Variants in ZMYM2 observed in about 807,000 individuals in gnomAD.
ZMYM2 encodes zinc finger MYM-type protein 2.
Under a neutral mutation model 162.8 loss-of-function variants are expected in ZMYM2, and 56 were observed. The observed-to-expected ratio is 0.34, with a 90% CI of 0.28 to 0.43. The LOEUF is 0.43. ZMYM2 is among the 20% of genes least tolerant of loss of function. ZMYM2 has a pLI of 1.00. For missense variants in ZMYM2, 1,275 were observed against 1,621.8 expected (o/e 0.79, Z 3.67); for synonymous variants, 510 against 541.6 (o/e 0.94, Z 0.81).
At chr13:19,903,936 G>A in the ZMYM2 span, among the ~76,000 whole-genome samples, 1 of 152,042 alleles carries the variant, frequency 6.6e-6, no homozygotes, top group Non-Finnish European at 1.5e-5. Flanking sequence ...AACTTTCTGG[G>A]CTCTAGGAAC....
chr13:20,012,419 A>C (rs1234509243), intron 6 of ZMYM2, among the ~76,000 whole-genome samples: 2 of 151,998 alleles, frequency 1.3e-5, no homozygotes, highest in African/African-American at 2.4e-5. Context: ...ACTTCAAGTG[A>C]TCTGTCCTTC....
intron 2 of ZMYM2, among the ~76,000 whole-genome samples, chr13:19,962,508 T>TAC (rs1244193708): frequency 3.2e-5 from 2 of 62,818 alleles, no homozygotes; most frequent in East Asian, 8.3e-4. Flanking sequence ...TATATATATA[T>TAC]ATATATATTT....
At chr13:20,002,703 G>A in intron 3 of ZMYM2, 147 bp from the exon 4 acceptor site, 1 of 935,420 alleles carries the variant, frequency 1.1e-6, no homozygotes, top group Non-Finnish European at 1.6e-6. Context: ...TCCAAAACTT[G>A]TGCTATATAC....
the ZMYM2 span, among the ~76,000 whole-genome samples, chr13:19,866,384 G>A: frequency 2.0e-5 from 3 of 152,100 alleles, no homozygotes; most frequent in African/African-American, 7.2e-5. Context: ...AAAAAATTCT[G>A]GCCCGGTGCG....
At chr13:19,885,101 C>T in the ZMYM2 span, among the ~76,000 whole-genome samples, 1 of 152,134 alleles carries the variant, frequency 6.6e-6, no homozygotes, top group Non-Finnish European at 1.5e-5. Flanking sequence ...TTCTCCAAGT[C>T]CCCACCCGAC....
chr13:19,981,633 CTTTTTCCTCCTGTAAATACGAAT>C (rs1957335549), intron 2 of ZMYM2, among the ~76,000 whole-genome samples: 1 of 152,152 alleles, frequency 6.6e-6, no homozygotes, highest in Non-Finnish European at 1.5e-5. Flanking sequence ...GGAGAAGTAC[CTTTTTCCTCCTGTAAATACGAAT>C]TTTTTCCTAG....
chr13:19,985,199 C>G (rs1267231363), intron 2 of ZMYM2, among the ~76,000 whole-genome samples: 5 of 152,130 alleles, frequency 3.3e-5, no homozygotes, highest in Admixed American at 3.3e-4. Context: ...TCTCTGCTTA[C>G]AGCAACCTCT....
At chr13:20,035,779 A>AG (rs1953635978) in intron 11 of ZMYM2, among the ~76,000 whole-genome samples, 1 of 152,168 alleles carries the variant, frequency 6.6e-6, no homozygotes, top group Non-Finnish European at 1.5e-5. Context: ...TACTGCACCT[A>AG]GTTCTCTGCT....
intron 2 of ZMYM2, among the ~76,000 whole-genome samples, chr13:19,986,175 C>T (rs972755240): frequency 6.6e-6 from 1 of 150,542 alleles, no homozygotes; most frequent in Non-Finnish European, 1.5e-5. Flanking sequence ...CCAGCCTAGG[C>T]AATAGAGCCA....
At chr13:19,918,706 T>A in the ZMYM2 span, among the ~76,000 whole-genome samples, 3 of 151,268 alleles carry the variant, frequency 2.0e-5, no homozygotes, top group Non-Finnish European at 2.9e-5. Context: ...ATCATATAGG[T>A]CAGGCTGGTC....
At chr13:20,027,727 G>A (rs1203615862) in intron 9 of ZMYM2, among the ~76,000 whole-genome samples, 1 of 152,126 alleles carries the variant, frequency 6.6e-6, no homozygotes, top group East Asian at 1.9e-4. Context: ...ACCATGTAAA[G>A]AGGGAATTAG....
At chr13:19,941,967 A>G in the ZMYM2 span, among the ~76,000 whole-genome samples, 1 of 151,698 alleles carries the variant, frequency 6.6e-6, no homozygotes, top group Admixed American at 6.6e-5. Context: ...GCTGGTCTCA[A>G]TCTCCTGAGC....
intron 12 of ZMYM2, among the ~76,000 whole-genome samples, chr13:20,040,544 TA>T (rs1043226382): frequency 6.6e-6 from 1 of 151,476 alleles, no homozygotes; most frequent in Non-Finnish European, 1.5e-5. Context: ...CGCAAAAAAA[TA>T]AAAAAACACT....
the ZMYM2 span, among the ~76,000 whole-genome samples, chr13:19,878,031 G>A: frequency 3.3e-5 from 5 of 150,262 alleles, no homozygotes; most frequent in Non-Finnish European, 7.4e-5. Context: ...TCACATTCTT[G>A]CCAACACTGA....
chr13:20,071,367 G>A (rs1439228577), intron 21 of ZMYM2, among the ~76,000 whole-genome samples: 1 of 152,220 alleles, frequency 6.6e-6, no homozygotes, highest in Non-Finnish European at 1.5e-5. Context: ...ACAAAGGAAC[G>A]AAGCAGCGAA....
At chr13:20,029,499 T>C (rs1952881901) in intron 9 of ZMYM2, among the ~76,000 whole-genome samples, 1 of 135,778 alleles carries the variant, frequency 7.4e-6, no homozygotes, top group Non-Finnish European at 1.6e-5. Flanking sequence ...CTAAGAGTAA[T>C]GTTGGCTTTT....
the ZMYM2 span, among the ~76,000 whole-genome samples, chr13:19,890,039 C>A: frequency 7.2e-5 from 11 of 151,970 alleles, no homozygotes; most frequent in East Asian, 2.1e-3. Context: ...TGCCAAAACT[C>A]ATAAAAGGGC....
the ZMYM2 span, among the ~76,000 whole-genome samples, chr13:19,937,707 A>G: frequency 6.6e-6 from 1 of 151,754 alleles, no homozygotes; most frequent in Non-Finnish European, 1.5e-5. Context: ...TTACATAAGT[A>G]TACATGTGCC....
At chr13:19,979,369 A>G (rs1177485986) in intron 2 of ZMYM2, among the ~76,000 whole-genome samples, 1 of 149,158 alleles carries the variant, frequency 6.7e-6, no homozygotes, top group Non-Finnish European at 1.5e-5. Context: ...CCCAGTCTTT[A>G]TAGATCGCAG....
Sources: gnomAD v4.1 joint callset for allele counts (sites outside exome capture counted in the v4.1 genomes callset) on GRCh38, gnomAD v4.1.1 for gene constraint, MANE v1.5 for transcripts, NCBI Gene and HGNC (gene_info 2026-07-23, HGNC 2026-07-21) for gene names.